Variants in PCDHA8 observed in about 807,000 individuals in gnomAD.
The protein encoded by PCDHA8 is protocadherin alpha-8.
In PCDHA8, 53 loss-of-function variants were observed where a neutral mutation model predicts 61.8. The observed-to-expected ratio is 0.86, with a 90% CI of 0.69 to 1.08. PCDHA8 has a LOEUF of 1.08. PCDHA8 is among the 50% of genes least tolerant of loss of function. The pLI, the probability that PCDHA8 is intolerant of heterozygous loss-of-function variation, is 0.00. For missense variants in PCDHA8, 1,293 were observed against 1,245.0 expected (o/e 1.04, Z -0.58); for synonymous variants, 618 against 556.6 (o/e 1.11, Z -1.55).
At chr5:140,989,013 G>A (rs1171400170) in intron 3 of PCDHA8, 1 of 152,208 alleles carries the variant, frequency 6.6e-6, no homozygotes, top group Non-Finnish European at 1.5e-5. Context: ...ACTTATTATA[G>A]TTTCTTCAGT....
At chr5:140,865,309 T>C (rs1554159355) in intron 1 of PCDHA8, 1 of 152,176 alleles carries the variant, frequency 6.6e-6, no homozygotes, top group Non-Finnish European at 1.5e-5. Flanking sequence ...TAATTACAAA[T>C]GAGATGGCCT....
rs1779768738 is a variant in PCDHA8, at chr5:140,845,237, A to G, written c.2394+1522A>G. On this transcript the variant is annotated intron_variant, in intron 1 of 3. Coordinates refer to ENST00000531613, the MANE Select transcript of PCDHA8 (RefSeq NM_018911.3). ...TTTAAAAAATATGATTATCTTTATT[A>G]TCCTGTTTGAATAATATGTGTTTTC... 2.0e-5 allele frequency among the ~76,000 whole-genome samples: 3 copies of G among 149,564 alleles called. 1 individual carries two copies. The South Asian group carries it at 6.4e-4, about 32-fold the overall frequency.
rs1049748990 is a variant in PCDHA8 at position 140,844,585 on chromosome 5, G to A, written c.2394+870G>A. Among the ~76,000 whole-genome samples the A allele has an allele frequency of 2.7e-5, 4 of 149,128 alleles. 1 individual carries two copies. Among genetic ancestry groups the A allele is most frequent in the Non-Finnish European group, 6.0e-5 (4 of 66,698 alleles). ...TTTCAATAATATTCCACATTAAAGT[G>A]ATATTTAATATATGACTTAGAAAAA... On this transcript the variant is annotated intron_variant, in intron 1 of 3. Coordinates refer to ENST00000531613, the MANE Select transcript of PCDHA8 (RefSeq NM_018911.3).
rs75203598 is a variant in PCDHA8, at chr5:140,915,428, C to T, written c.2395-63521C>T. 8.0e-3 allele frequency among the ~76,000 whole-genome samples: 1,217 copies of T among 152,162 alleles called. 6 individuals are homozygous for T. The highest frequency in any genetic ancestry group is 0.019 in the African/African-American group (786 of 41,514). On this transcript the variant is annotated intron_variant, in intron 1 of 3. Transcript: ENST00000531613. The stretch of plus-strand genomic sequence containing the variant: ...TCTTTGCAGTCTGGGCTTGTTTATC[C>T]CTGTCCTTCTTGAGAAGGTTTTCCA...
chr5:140,989,874 A>C (rs1328387054), intron 3 of PCDHA8, among the ~76,000 whole-genome samples: 1 of 152,098 alleles, frequency 6.6e-6, no homozygotes, highest in Admixed American at 6.6e-5. Context: ...TCTCTGCCTC[A>C]GCACTTGGAG....
At chr5:140,976,250 A>C (rs1420287471) in intron 1 of PCDHA8, among the ~76,000 whole-genome samples, 1 of 152,144 alleles carries the variant, frequency 6.6e-6, no homozygotes, top group Non-Finnish European at 1.5e-5. Flanking sequence ...ATGTAAATTT[A>C]TTTAAAACAC....
chr5:140,858,571 C>A lies in PCDHA8; in HGVS notation c.2394+14856C>A, dbSNP rs377514565. On this transcript the variant is annotated intron_variant, in intron 1 of 3. Transcript: ENST00000531613. ...TATGCTTGAATATTTCTAGTGATAC[C>A]TTTGTAATATAATTTATTCCAGGAG... 1.0e-4 allele frequency: 142 copies of A among 1,362,202 alleles called. 6 individuals carry two copies. The highest frequency in any genetic ancestry group is 1.4e-4 in the Non-Finnish European group (135 of 988,482). The allele number at this position is 1,362,202 out of a possible 1,614,324, so 84.4% of individuals were successfully genotyped here. A position where few individuals can be genotyped will look rare whatever the true frequency, so the allele number is the denominator to read the frequency against.
chr5:140,964,168 G>A (rs928554352), intron 1 of PCDHA8, among the ~76,000 whole-genome samples: 1 of 152,166 alleles, frequency 6.6e-6, no homozygotes, highest in Non-Finnish European at 1.5e-5. Flanking sequence ...TGTGAGGAAC[G>A]AAATCATTAT....
chr5:140,862,358 ACG>A (rs1554156250), intron 1 of PCDHA8: 1 of 337,982 alleles, frequency 3.0e-6, no homozygotes, highest in Non-Finnish European at 5.8e-6. Context: ...CAAGGGACAG[ACG>A]ACCCGCACCC....
chr5:140,994,784 A>G (rs1245945274), intron 3 of PCDHA8, among the ~76,000 whole-genome samples: 2 of 152,202 alleles, frequency 1.3e-5, no homozygotes, highest in Non-Finnish European at 2.9e-5. Flanking sequence ...CAAAGGAAAC[A>G]ATGCGTGCAT....
intron 1 of PCDHA8, among the ~76,000 whole-genome samples, chr5:140,934,631 G>A (rs2089960013): frequency 6.6e-6 from 1 of 151,984 alleles, no homozygotes; most frequent in African/African-American, 2.4e-5. Flanking sequence ...GTTCACACAG[G>A]AAAGGCAGGA....
chr5:140,883,484 T>C, intron 1 of PCDHA8: 1 of 1,614,066 alleles, frequency 6.2e-7, no homozygotes, highest in Non-Finnish European at 8.5e-7. Flanking sequence ...GAACTACTAC[T>C]CATTAGTGCT....
At chr5:140,861,743 C>T in intron 1 of PCDHA8, 1 of 152,806 alleles carries the variant, frequency 6.5e-6, no homozygotes, top group Non-Finnish European at 1.4e-5. Context: ...CATACTGTGC[C>T]GCAATGATTA....
At position 140,858,352 on chromosome 5, in the gene PCDHA8, G is replaced by T; in HGVS notation, c.2394+14637G>T. On this transcript the variant is annotated intron_variant, in intron 1 of 3. Coordinates refer to ENST00000531613, the MANE Select transcript of PCDHA8 (RefSeq NM_018911.3). ...AGGGCCTGCCCAAGGCGGACCTCATGGCCTTCAGCCCCAGCCTTCCACCAT... is the reference window on the plus strand; with the variant it reads ...AGGGCCTGCCCAAGGCGGACCTCATTGCCTTCAGCCCCAGCCTTCCACCAT... 1.3e-6 allele frequency: 2 copies of T among 1,593,948 alleles called. 1 individual carries two copies. Among genetic ancestry groups the T allele is most frequent in the Non-Finnish European group, 1.7e-6 (2 of 1,165,108 alleles).
intron 1 of PCDHA8, among the ~76,000 whole-genome samples, chr5:140,946,711 T>C (rs1165441185): frequency 1.3e-5 from 2 of 150,618 alleles, no homozygotes; most frequent in African/African-American, 2.5e-5. Context: ...GAGGTCATTA[T>C]GTTTAGTTAA....
chr5:140,971,163 T>C (rs2096460132), intron 1 of PCDHA8, among the ~76,000 whole-genome samples: 1 of 152,180 alleles, frequency 6.6e-6, no homozygotes, highest in Non-Finnish European at 1.5e-5. Flanking sequence ...AGGCTCAGCT[T>C]TGCCACCAGC....
At chr5:140,968,086 A>G (rs2096217656) in intron 1 of PCDHA8, 1 of 1,614,058 alleles carries the variant, frequency 6.2e-7, no homozygotes, top group African/African-American at 1.3e-5. Context: ...TCACGGTGAC[A>G]GCCACAGATG....
At chr5:140,922,865 G>A (rs1554201014) in intron 1 of PCDHA8, among the ~76,000 whole-genome samples, 1 of 152,062 alleles carries the variant, frequency 6.6e-6, no homozygotes, top group Non-Finnish European at 1.5e-5. Flanking sequence ...ATAGACAAGG[G>A]GAAAAAATCC....
intron 1 of PCDHA8, among the ~76,000 whole-genome samples, chr5:140,953,460 G>A (rs1025295552): frequency 1.3e-5 from 2 of 152,116 alleles, no homozygotes; most frequent in Non-Finnish European, 2.9e-5. Context: ...ATCTGTCAGA[G>A]TTTTAACTTC....
Sources: gnomAD v4.1 joint callset for allele counts (sites outside exome capture counted in the v4.1 genomes callset) on GRCh38, gnomAD v4.1.1 for gene constraint, MANE v1.5 for transcripts, NCBI Gene and HGNC (gene_info 2026-07-23, HGNC 2026-07-21) for gene names.